The following ADAP1 variants were observed in gnomAD, a reference collection of about 807,000 sequenced individuals.
The protein encoded by ADAP1 is arf-GAP with dual PH domain-containing protein 1.
ADAP1 carries 31 observed loss-of-function variants against 54.9 expected under a neutral mutation model. That is an observed-to-expected ratio of 0.56 (90% confidence interval 0.42 to 0.76). ADAP1 has a LOEUF of 0.76. Among genes scored for constraint, ADAP1 ranks in the 30% least tolerant of loss-of-function variants. The pLI, the probability that ADAP1 is intolerant of heterozygous loss-of-function variation, is 0.00. For missense variants in ADAP1, 535 were observed against 512.4 expected (o/e 1.04, Z -0.42); for synonymous variants, 313 against 202.6 (o/e 1.55, Z -4.63).
chr7:905,632 AAG>A (rs1845186825), intron 4 of ADAP1: 1 of 116,386 alleles, frequency 8.6e-6, no homozygotes, highest in African/African-American at 3.3e-5. Flanking sequence ...GGAAAGGAGA[AAG>A]GGAAAGGAGA....
rs1182241498 is a variant in ADAP1, at chr7:945,517, G to T, written c.82+8879C>A. On this transcript the variant is annotated intron_variant, in intron 1 of 10. Coordinates refer to ENST00000265846, the MANE Select transcript of ADAP1 (RefSeq NM_006869.4). This position sits in a 1 kb window ranked among gnomAD's most constrained non-coding sequence, Gnocchi z 4.2. ...CCTGGAGTCAGCACCCACGGCCTGT[G>T]GTGCCCCCAGAACAGGCCACAAGGC... Among the ~76,000 whole-genome samples the T allele has an allele frequency of 2.6e-5, 4 of 152,246 alleles. No homozygotes were observed. The highest frequency in any genetic ancestry group is 7.2e-5 in the African/African-American group (3 of 41,462).
chr7:906,806 G>GGGGGGACAT (rs1554272535), intron 4 of ADAP1, among the ~76,000 whole-genome samples: 2 of 44,398 alleles, frequency 4.5e-5, no homozygotes, highest in Non-Finnish European at 9.1e-5. Flanking sequence ...CAGGGGACAT[G>GGGGGGACAT]GGGGGACATG....
chr7:933,270 CA>C (rs1252751116), intron 2 of ADAP1, among the ~76,000 whole-genome samples: 5,308 of 136,798 alleles, frequency 0.039, 243 homozygotes, highest in African/African-American at 0.12. Flanking sequence ...GACTCCGTCT[CA>C]AAAAAAAAAA....
intron 1 of ADAP1, among the ~76,000 whole-genome samples, chr7:936,730 CTTTTAT>C (rs1846771831): frequency 6.6e-6 from 1 of 152,186 alleles, no homozygotes; most frequent in Admixed American, 6.5e-5. Flanking sequence ...CTCTGAACTG[CTTTTAT>C]TTTTAAGTGG....
intron 4 of ADAP1, 114 bp from the exon 5 acceptor site, chr7:905,286 G>GGGGACACGGACA (rs1845067418): frequency 1.3e-5 from 6 of 462,310 alleles, no homozygotes; most frequent in African/African-American, 7.6e-5. Flanking sequence ...GGACACGGAC[G>GGGGACACGGACA]GGGGACACGG....
chr7:901,726 G>A (rs1006475013), intron 6 of ADAP1, among the ~76,000 whole-genome samples: 17 of 125,282 alleles, frequency 1.4e-4, no homozygotes, highest in East Asian at 5.2e-4. Flanking sequence ...CCACACCCAC[G>A]CCACCCAACC....
At chr7:910,809 C>T (rs902056676) in intron 4 of ADAP1, among the ~76,000 whole-genome samples, 10 of 152,116 alleles carry the variant, frequency 6.6e-5, no homozygotes, top group Non-Finnish European at 8.8e-5. Flanking sequence ...CCTCTGAGAA[C>T]GGGGCCGAGG....
chr7:954,305 G>A (rs1286425698), intron 1 of ADAP1, 91 bp downstream of exon 1: 12 of 949,428 alleles, frequency 1.3e-5, no homozygotes, highest in Non-Finnish European at 1.4e-5. Flanking sequence ...GCGCTCCCCC[G>A]CCCGGTCCCC....
intron 8 of ADAP1, 47 bp from the exon 9 acceptor site, chr7:899,537 C>A: frequency 6.3e-7 from 1 of 1,589,298 alleles, no homozygotes; most frequent in South Asian, 1.1e-5. Flanking sequence ...CGAGGCAGGC[C>A]CTACATCCAG....
rs1237978880 is a variant in ADAP1, at chr7:938,891, A to G, written c.83-3386T>C. 2.0e-5 allele frequency among the ~76,000 whole-genome samples: 3 copies of G among 152,174 alleles called. No individual in the cohort carries two copies. The highest frequency in any genetic ancestry group is 4.4e-5 in the Non-Finnish European group (3 of 68,030). On this transcript the variant is annotated intron_variant, in intron 1 of 10. Transcript: ENST00000265846. The surrounding 1 kb of genome is among the most constrained non-coding windows in gnomAD (Gnocchi z 4.4). Reference sequence around the variant, plus strand: ...CTAGAAATTCTGAGGGAGGCTGAGCAACGGCCACCAACAGCTCCCGCCCAG... The same window carrying G: ...CTAGAAATTCTGAGGGAGGCTGAGCGACGGCCACCAACAGCTCCCGCCCAG...
At chr7:951,625 C>T (rs1181771686) in intron 1 of ADAP1, among the ~76,000 whole-genome samples, 2 of 151,804 alleles carry the variant, frequency 1.3e-5, no homozygotes, top group East Asian at 3.9e-4. Context: ...GTCCCAGCTA[C>T]TCAGGAGGCT....
At chr7:912,459 C>T (rs114478303) in intron 4 of ADAP1, among the ~76,000 whole-genome samples, 5 of 152,276 alleles carry the variant, frequency 3.3e-5, no homozygotes, top group Middle Eastern at 3.4e-3. Context: ...CGCGTCCCCA[C>T]GCAGTGACCT....
chr7:916,041 G>A (rs995239675), intron 4 of ADAP1, among the ~76,000 whole-genome samples: 1 of 152,228 alleles, frequency 6.6e-6, no homozygotes. Context: ...TTCCCCAGAA[G>A]GGCCACTCCA....
intron 6 of ADAP1, among the ~76,000 whole-genome samples, chr7:902,631 C>T (rs560459795): frequency 6.6e-6 from 1 of 151,238 alleles, no homozygotes; most frequent in Non-Finnish European, 1.5e-5. Context: ...TTTAAGAGCA[C>T]CAATAACAGG....
rs1464014217 is a variant in ADAP1 at position 920,931 on chromosome 7, C to T, written c.306-881G>A. On this transcript the variant is annotated intron_variant, in intron 3 of 10. Transcript: ENST00000265846. This position sits in a 1 kb window ranked among gnomAD's most constrained non-coding sequence, Gnocchi z 4.5. ...AGGAACCCTGTGGCTTCCTGCTGGG[C>T]CCACGTGAACAGCCTTGGAGACTGG... is the stretch of plus-strand genomic sequence containing the variant. 1 of 1,458,808 alleles carries T rather than the reference C, an allele frequency of 6.9e-7. No individual in the cohort carries two copies. The highest frequency in any genetic ancestry group is 1.4e-5 in the African/African-American group (1 of 71,476). 90.4% of individuals were successfully genotyped at this position (1,458,808 alleles called of 1,614,324 possible).
At chr7:952,551 G>A (rs1391216279) in intron 1 of ADAP1, among the ~76,000 whole-genome samples, 3 of 152,194 alleles carry the variant, frequency 2.0e-5, no homozygotes, top group African/African-American at 7.2e-5. Context: ...GTCATGGGGG[G>A]CTAGGCAGCC....
intron 4 of ADAP1, among the ~76,000 whole-genome samples, chr7:909,857 G>A (rs1176150594): frequency 6.9e-6 from 1 of 145,104 alleles, no homozygotes; most frequent in East Asian, 1.9e-4. Context: ...ATGGTGTGGG[G>A]TGGGGGGGGT....
intron 4 of ADAP1, 128 bp from the exon 5 acceptor site, chr7:905,300 G>GA (rs1491493918): frequency 6.8e-5 from 20 of 296,258 alleles, no homozygotes; most frequent in African/African-American, 5.4e-4. Flanking sequence ...GACACGGACA[G>GA]GGGGAGACGG....
chr7:923,842 G>A (rs1460424603), intron 3 of ADAP1, among the ~76,000 whole-genome samples: 1 of 152,188 alleles, frequency 6.6e-6, no homozygotes, highest in Non-Finnish European at 1.5e-5. Flanking sequence ...ACCCGGGCTT[G>A]TCCAGGCTGC....
Sources: gnomAD v4.1 joint callset for allele counts (sites outside exome capture counted in the v4.1 genomes callset) on GRCh38, gnomAD v4.1.1 for gene constraint, Gnocchi (gnomAD v3.1) non-coding constraint, MANE v1.5 for transcripts, NCBI Gene and HGNC (gene_info 2026-07-23, HGNC 2026-07-21) for gene names.